The following CSMD1 variants were observed in gnomAD, a reference collection of about 807,000 sequenced individuals.
CSMD1 encodes the protein CUB and Sushi multiple domains 1.
In CSMD1, 213 loss-of-function variants were observed where a neutral mutation model predicts 417.5. The ratio of observed to expected loss-of-function variants is 0.51; its 90% CI spans 0.46 to 0.57. CSMD1 has a LOEUF of 0.57. CSMD1 is among the 20% of genes least tolerant of loss of function. CSMD1 has a pLI of 0.00. For missense variants in CSMD1, 6,923 were observed against 4,529.7 expected, an observed-to-expected ratio of 1.53 and a Z score of -15.17; for synonymous variants, 2,862 against 1,736.8, an observed-to-expected ratio of 1.65 and a Z score of -16.11.
At chr8:4,424,999 T>C (rs1283478700) in intron 2 of CSMD1, among the ~76,000 whole-genome samples, 1 of 152,072 alleles carries the variant, frequency 6.6e-6, no homozygotes, top group Admixed American at 6.6e-5. Context: ...ATAATGCTAT[T>C]TAATAACAAA....
chr8:4,925,215 G>GGTTTTTTTTTTTTTTTTT (rs762807942), intron 1 of CSMD1, among the ~76,000 whole-genome samples: 2 of 72,740 alleles, frequency 2.7e-5, no homozygotes, highest in East Asian at 1.0e-3. Flanking sequence ...CAGTTTTATG[G>GGTTTTTTTTTTTTTTTTT]TTTTTTTTTT....
chr8:4,311,412 T>C (rs112322052), intron 3 of CSMD1, among the ~76,000 whole-genome samples: 4 of 152,108 alleles, frequency 2.6e-5, no homozygotes, highest in Non-Finnish European at 4.4e-5. Context: ...GAAAACCAAA[T>C]ACATGTTTCA....
intron 5 of CSMD1, among the ~76,000 whole-genome samples, chr8:3,879,965 G>C (rs1224840493): frequency 2.6e-5 from 4 of 152,198 alleles, no homozygotes; most frequent in African/African-American, 7.2e-5. Context: ...TGATGGGTTA[G>C]AATTGTATTA....
chr8:3,089,674 T>G (rs1427617888), intron 48 of CSMD1, among the ~76,000 whole-genome samples: 4 of 152,180 alleles, frequency 2.6e-5, no homozygotes, highest in Non-Finnish European at 5.9e-5. Context: ...GAGTCATCAA[T>G]TCTAAGTAAA....
At chr8:3,906,626 CTT>C (rs200562415) in intron 5 of CSMD1, among the ~76,000 whole-genome samples, 1 of 139,900 alleles carries the variant, frequency 7.1e-6, no homozygotes, top group East Asian at 2.1e-4. Context: ...CAAACCTAAG[CTT>C]TTTTTTTTTT....
rs758415361 is a variant in CSMD1, at chr8:3,151,416, G to C, written c.6012C>G (p.Ile2004Met). The change falls in exon 40 of 70, where the codon ATC becomes ATG. Residue 2004 changes from isoleucine (I) to methionine (M), a missense_variant. By Grantham distance (10) the Ile-to-Met change is conservative. Coordinates refer to ENST00000635120, the MANE Select transcript of CSMD1 (RefSeq NM_033225.6). Reference sequence around the variant, plus strand: ...ACTTACCATAGCCGATGGGTAATGAGATCCTCCAGGTGCAGTCTAAGTTGT... The same window carrying C: ...ACTTACCATAGCCGATGGGTAATGACATCCTCCAGGTGCAGTCTAAGTTGT... The part of the protein sequence containing the change: ...YPNNLDCTWR[I>M]SLPIGYGAHI... 1.9e-6 allele frequency: 3 copies of C among 1,612,066 alleles called. No individual in the cohort carries two copies. The highest frequency in any genetic ancestry group is 2.5e-6 in the Non-Finnish European group (3 of 1,178,360).
intron 8 of CSMD1, among the ~76,000 whole-genome samples, chr8:3,607,005 T>C (rs1024740663): frequency 7.9e-5 from 12 of 152,206 alleles, no homozygotes; most frequent in Admixed American, 1.3e-4. Context: ...CCGCCGTGCC[T>C]GGCCTACCGT....
intron 5 of CSMD1, among the ~76,000 whole-genome samples, chr8:3,847,793 G>C (rs1803610711): frequency 6.6e-6 from 1 of 152,172 alleles, no homozygotes; most frequent in African/African-American, 2.4e-5. Context: ...AGGAAATATA[G>C]TTGGGTGCCA....
At chr8:4,461,736 TACTTA>T (rs1799835748) in intron 2 of CSMD1, among the ~76,000 whole-genome samples, 2 of 100,100 alleles carry the variant, frequency 2.0e-5, no homozygotes, top group African/African-American at 8.0e-5. Context: ...ATTATTTATT[TACTTA>T]TTTTTTTTTT....
At chr8:3,571,257 C>G (rs980956369) in intron 10 of CSMD1, among the ~76,000 whole-genome samples, 32 of 152,174 alleles carry the variant, frequency 2.1e-4, no homozygotes, top group African/African-American at 7.5e-4. Flanking sequence ...TAACAACACA[C>G]CTGTGAATTC....
At chr8:4,126,245 G>C (rs1190649084) in intron 3 of CSMD1, among the ~76,000 whole-genome samples, 3 of 152,082 alleles carry the variant, frequency 2.0e-5, no homozygotes, top group Non-Finnish European at 4.4e-5. Flanking sequence ...TAAAACTCCA[G>C]TCTCCCACAC....
intron 54 of CSMD1, among the ~76,000 whole-genome samples, chr8:2,995,386 T>C (rs555845893): frequency 3.3e-5 from 5 of 152,030 alleles, no homozygotes; most frequent in Non-Finnish European, 5.9e-5. Context: ...TAAGACAGAG[T>C]GACCGCACCG....
chr8:3,552,779 T>A (rs1448161507), intron 10 of CSMD1, among the ~76,000 whole-genome samples: 1 of 152,206 alleles, frequency 6.6e-6, no homozygotes, highest in Non-Finnish European at 1.5e-5. Context: ...CAGTTCTGCT[T>A]TTTAATACAG....
At position 3,891,266 on chromosome 8, in the gene CSMD1, C is replaced by G. The variant is rs1806950803; in HGVS notation, c.818+106637G>C. Reference sequence around the variant, plus strand: ...TTTTTGCCATGTTTCCCAGGCTAGTCTCAAAAATTCCTTGCTCAAGTGATC... The same window carrying G: ...TTTTTGCCATGTTTCCCAGGCTAGTGTCAAAAATTCCTTGCTCAAGTGATC... On this transcript the variant is annotated intron_variant, in intron 5 of 69. Coordinates refer to ENST00000635120, the MANE Select transcript of CSMD1 (RefSeq NM_033225.6). Among the ~76,000 whole-genome samples, 6 of 152,170 alleles carry G rather than the reference C, an allele frequency of 3.9e-5. No homozygotes were observed. In the South Asian group the frequency reaches 1.2e-3, roughly 32 times the overall value.
chr8:3,400,188 A>G (rs1399110206), intron 15 of CSMD1, among the ~76,000 whole-genome samples: 1 of 152,182 alleles, frequency 6.6e-6, no homozygotes, highest in East Asian at 1.9e-4. Flanking sequence ...GCATACCTGT[A>G]TCATCTAAAG....
At chr8:4,018,492 G>C (rs144206550) in intron 4 of CSMD1, among the ~76,000 whole-genome samples, 1 of 152,222 alleles carries the variant, frequency 6.6e-6, no homozygotes, top group South Asian at 2.1e-4. Flanking sequence ...GCAGGTGGAG[G>C]AAGGGGAGGC....
chr8:3,308,202 A>G lies in CSMD1; in HGVS notation c.3823+110T>C, dbSNP rs1480090191. 7 of 804,754 alleles carry G rather than the reference A, an allele frequency of 8.7e-6. No homozygotes were observed. The East Asian group carries it at 1.1e-4, about 12-fold the overall frequency. 49.9% of individuals were successfully genotyped at this position (804,754 alleles called of 1,614,324 possible). The stretch of plus-strand genomic sequence containing the variant: ...TCAGAATACATAAAACTCACACTGG[A>G]AAGTGTGATAAAATTCCTCCTCTTT... On this transcript the variant is annotated intron_variant, in intron 24 of 69. Transcript: ENST00000635120.
intron 3 of CSMD1, among the ~76,000 whole-genome samples, chr8:4,133,904 G>C (rs765993682): frequency 3.3e-5 from 5 of 152,106 alleles, no homozygotes; most frequent in African/African-American, 1.2e-4. Context: ...TGTAAACATA[G>C]TTATCCAGGG....
chr8:4,412,354 G>T (rs1230468618), intron 3 of CSMD1, among the ~76,000 whole-genome samples: 1 of 151,676 alleles, frequency 6.6e-6, no homozygotes, highest in East Asian at 1.9e-4. Context: ...AAAGTGTGTG[G>T]CACCTCTCAC....
Sources: gnomAD v4.1 joint callset for allele counts (sites outside exome capture counted in the v4.1 genomes callset) on GRCh38, gnomAD v4.1.1 for gene constraint, MANE v1.5 for transcripts, NCBI Gene and HGNC (gene_info 2026-07-23, HGNC 2026-07-21) for gene names.